Variants in ATRNL1 observed in about 807,000 individuals in gnomAD.
The protein encoded by ATRNL1 is attractin-like protein 1.
A neutral mutation model predicts 182.7 loss-of-function variants in ATRNL1; 95 were observed. The ratio of observed to expected loss-of-function variants is 0.52; its 90% CI spans 0.44 to 0.62. The LOEUF is 0.62. Ranked by LOEUF, ATRNL1 falls within the 20% of genes least tolerant of loss-of-function variation. ATRNL1 has a pLI of 0.00. For synonymous variants in ATRNL1, 576 were observed against 568.3 expected (o/e 1.01, Z -0.19); for missense variants, 1,471 against 1,679.5 (o/e 0.88, Z 2.17).
intron 27 of ATRNL1, among the ~76,000 whole-genome samples, chr10:115,747,884 T>A (rs1948339003): frequency 6.6e-6 from 1 of 152,048 alleles, no homozygotes; most frequent in Non-Finnish European, 1.5e-5. Flanking sequence ...CTGTATCCTC[T>A]TATGGTGAAA....
At chr10:115,100,313 A>T (rs1057022277) in intron 1 of ATRNL1, among the ~76,000 whole-genome samples, 1 of 146,674 alleles carries the variant, frequency 6.8e-6, no homozygotes, top group Non-Finnish European at 1.5e-5. Context: ...AATAAAAAAT[A>T]AAAAAAAAAA....
At chr10:115,104,324 G>A (rs1843906824) in intron 1 of ATRNL1, among the ~76,000 whole-genome samples, 1 of 151,914 alleles carries the variant, frequency 6.6e-6, no homozygotes, top group Non-Finnish European at 1.5e-5. Flanking sequence ...TTTACCTTTT[G>A]ACATTGGTAT....
intron 26 of ATRNL1, among the ~76,000 whole-genome samples, chr10:115,708,072 A>G (rs1478064630): frequency 6.6e-6 from 1 of 151,598 alleles, no homozygotes; most frequent in African/African-American, 2.4e-5. Flanking sequence ...TATATAATGA[A>G]ATTTATATAA....
At chr10:115,483,565 A>G (rs1396460532) in intron 24 of ATRNL1, among the ~76,000 whole-genome samples, 3 of 151,580 alleles carry the variant, frequency 2.0e-5, no homozygotes, top group South Asian at 2.1e-4. Context: ...CCACATGACT[A>G]TATGTACAGA....
At chr10:115,254,810 G>A (rs1262654271) in intron 10 of ATRNL1, among the ~76,000 whole-genome samples, 1 of 152,068 alleles carries the variant, frequency 6.6e-6, no homozygotes, top group Non-Finnish European at 1.5e-5. Context: ...ATTAATTTTT[G>A]TATAAGGTGT....
Position 115,389,604 on chromosome 10 carries a change from TGG to T in ATRNL1, c.3176-5054_3176-5053del, listed in dbSNP as rs1554953901. 4.7e-4 allele frequency among the ~76,000 whole-genome samples: 52 copies of T among 109,858 alleles called. 4 individuals carry two copies. Among genetic ancestry groups the T allele is most frequent in the African/African-American group, 1.7e-3 (49 of 29,198 alleles). 72.1% of individuals were successfully genotyped at this position (109,858 alleles called of 152,430 possible). A position where few individuals can be genotyped will look rare whatever the true frequency, so the allele number is the denominator to read the frequency against. On this transcript the variant is annotated intron_variant, in intron 19 of 28. Transcript: ENST00000355044. ...TATATATATATATTTCATCCAATGA[TGG>T]ACACCTAGGTTGCATCTATATTGTA...
chr10:115,926,997 C>T (rs904116206), intron 28 of ATRNL1, among the ~76,000 whole-genome samples: 1 of 152,100 alleles, frequency 6.6e-6, no homozygotes, highest in South Asian at 2.1e-4. Flanking sequence ...CACTGATGAA[C>T]ATCGATGCAA....
chr10:115,916,585 T>G (rs2134544816), intron 28 of ATRNL1, among the ~76,000 whole-genome samples: 1 of 152,334 alleles, frequency 6.6e-6, no homozygotes, highest in South Asian at 2.1e-4. Flanking sequence ...CACGATAAAT[T>G]TCTGTAAAGC....
intron 20 of ATRNL1, among the ~76,000 whole-genome samples, chr10:115,401,850 C>T (rs764624819): frequency 6.6e-5 from 10 of 152,082 alleles, no homozygotes; most frequent in East Asian, 1.9e-4. Flanking sequence ...TAGTTTCTAC[C>T]GCATACATTT....
In ATRNL1 at chr10:115,332,184, T is replaced by G. The variant is rs191274928; in HGVS notation, c.3038-2098T>G. Among the ~76,000 whole-genome samples the G allele has an allele frequency of 1.8e-4, 27 of 152,344 alleles. No individual in the cohort carries two copies. The East Asian group carries it at 4.8e-3, about 27-fold the overall frequency. On this transcript the variant is annotated intron_variant, in intron 18 of 28. Coordinates refer to ENST00000355044, the MANE Select transcript of ATRNL1 (RefSeq NM_207303.4). Reference sequence around the variant, plus strand: ...CTTCCTCTTTTGAGTGTAGAATCCCTGAGTCCTGGAGACCTTTCTGTGTAT... The same window carrying G: ...CTTCCTCTTTTGAGTGTAGAATCCCGGAGTCCTGGAGACCTTTCTGTGTAT...
intron 26 of ATRNL1, among the ~76,000 whole-genome samples, chr10:115,564,193 G>C (rs1168984352): frequency 6.6e-6 from 1 of 151,962 alleles, no homozygotes; most frequent in Non-Finnish European, 1.5e-5. Flanking sequence ...ACCATTATTA[G>C]AGTATATTGA....
intron 25 of ATRNL1, among the ~76,000 whole-genome samples, chr10:115,528,011 T>TTCCTTCCTTCCTTCCTTCCC (rs1851337569): frequency 1.7e-5 from 1 of 60,466 alleles, no homozygotes; most frequent in African/African-American, 9.1e-5. Flanking sequence ...CCTTCCTTCC[T>TTCCTTCCTTCCTTCCTTCCC]TCCTTCCTTC....
chr10:115,490,471 T>A (rs1849244921), intron 24 of ATRNL1, among the ~76,000 whole-genome samples: 1 of 152,190 alleles, frequency 6.6e-6, no homozygotes, highest in African/African-American at 2.4e-5. Context: ...TTCTTTGAGT[T>A]GATCTTCAAT....
At chr10:115,437,269 C>G (rs1846447386) in intron 21 of ATRNL1, among the ~76,000 whole-genome samples, 2 of 152,092 alleles carry the variant, frequency 1.3e-5, no homozygotes, top group South Asian at 4.1e-4. Context: ...CCAAACAATG[C>G]TATGCTTTAT....
intron 26 of ATRNL1, among the ~76,000 whole-genome samples, chr10:115,596,395 C>T (rs1282223328): frequency 6.6e-6 from 1 of 152,206 alleles, no homozygotes; most frequent in Admixed American, 6.5e-5. Flanking sequence ...CATGAGCCAC[C>T]ACGCCCGGCC....
intron 26 of ATRNL1, among the ~76,000 whole-genome samples, chr10:115,557,211 C>G (rs1296389126): frequency 1.3e-5 from 2 of 152,116 alleles, no homozygotes; most frequent in African/African-American, 4.8e-5. Context: ...AAGTTTGGTA[C>G]ATCTACTAGA....
At chr10:115,824,681 A>G (rs527921506) in intron 27 of ATRNL1, among the ~76,000 whole-genome samples, 4 of 152,302 alleles carry the variant, frequency 2.6e-5, no homozygotes, top group African/African-American at 4.8e-5. Flanking sequence ...CTCATCATCT[A>G]TGGTGATTAG....
chr10:115,556,540 T>C (rs1853325745), intron 26 of ATRNL1, among the ~76,000 whole-genome samples: 1 of 152,194 alleles, frequency 6.6e-6, no homozygotes, highest in Non-Finnish European at 1.5e-5. Context: ...TATAATGTCA[T>C]TGATTTTAAA....
At chr10:115,227,850 A>G (rs941667424) in intron 9 of ATRNL1, among the ~76,000 whole-genome samples, 19 of 152,244 alleles carry the variant, frequency 1.2e-4, no homozygotes, top group African/African-American at 4.6e-4. Context: ...ATAAAAGAAA[A>G]CAGTATATTC....
Sources: allele counts gnomAD v4.1 joint callset (sites outside exome capture counted in the v4.1 genomes callset), GRCh38; gene constraint gnomAD v4.1.1; transcripts MANE v1.5; gene names NCBI Gene and HGNC (gene_info 2026-07-23, HGNC 2026-07-21).